MYO3A: variants seen among roughly 807,000 people sequenced by gnomAD.
The protein encoded by MYO3A is myosin-IIIa.
Under a neutral mutation model 192.7 loss-of-function variants are expected in MYO3A, and 180 were observed. The ratio of observed to expected loss-of-function variants is 0.93; its 90% CI spans 0.83 to 1.06. The LOEUF (loss-of-function observed/expected upper bound fraction) is 1.06, where lower values mean the gene tolerates loss of function less well. Ranked by LOEUF, MYO3A falls within the 50% of genes least tolerant of loss-of-function variation. The probability of loss-of-function intolerance (pLI) is 0.00; values close to 1 mark genes in which losing one functional copy is unlikely to be tolerated. For synonymous variants in MYO3A, 628 were observed against 645.3 expected, an observed-to-expected ratio of 0.97 and a Z score of 0.41; for missense variants, 1,896 against 1,905.0, an observed-to-expected ratio of 1.00 and a Z score of 0.09.
chr10:26,043,912 T>G (rs72793968), intron 10 of MYO3A, among the ~76,000 whole-genome samples: 24,724 of 152,164 alleles, frequency 0.16, 2,302 homozygotes, highest in Non-Finnish European at 0.21. Context: ...TCACAGCTGG[T>G]AATGTGCTGA....
chr10:26,172,676 G>A lies in MYO3A; in HGVS notation c.3399-987G>A, dbSNP rs1359175517. Among the ~76,000 whole-genome samples, 5 of 152,310 alleles carry A rather than the reference G, an allele frequency of 3.3e-5. 1 individual carries two copies. The highest frequency in any genetic ancestry group is 4.1e-4 in the South Asian group (2 of 4,826). ...GAGGAATTCAAAATACTAGTGTAGC[G>A]ATTCATCAAAATCATGGGCATCTGA... On this transcript the variant is annotated intron_variant, in intron 29 of 34. Coordinates refer to ENST00000642920, the MANE Select transcript of MYO3A (RefSeq NM_017433.5).
intron 20 of MYO3A, among the ~76,000 whole-genome samples, chr10:26,142,958 T>C (rs1045509198): frequency 2.0e-5 from 3 of 152,202 alleles, no homozygotes; most frequent in Non-Finnish European, 2.9e-5. Context: ...CTTTTATTAC[T>C]ACCCTGAGTA....
At chr10:26,000,210 C>T (rs1208554989) in intron 6 of MYO3A, among the ~76,000 whole-genome samples, 1 of 152,180 alleles carries the variant, frequency 6.6e-6, no homozygotes, top group Non-Finnish European at 1.5e-5. Context: ...TAATCAGGTA[C>T]CCTCTCTTCC....
chr10:26,166,003 C>T, intron 26 of MYO3A, 64 bp from the exon 27 acceptor site: 1 of 1,339,234 alleles, frequency 7.5e-7, no homozygotes, highest in Non-Finnish European at 1.1e-6. Flanking sequence ...TGTTGGGGAA[C>T]CACCAAGCTA....
chr10:26,009,404 A>AAG (rs1554802449), intron 6 of MYO3A, among the ~76,000 whole-genome samples: 3,854 of 152,230 alleles, frequency 0.025, 185 homozygotes, highest in African/African-American at 0.087. Context: ...TAAATTTTTT[A>AAG]AAAAAGGCCA....
chr10:25,993,138 T>A (rs1204213523), intron 4 of MYO3A, among the ~76,000 whole-genome samples: 1 of 149,022 alleles, frequency 6.7e-6, no homozygotes, highest in Non-Finnish European at 1.5e-5. Flanking sequence ...CATTTGGTCC[T>A]GGATTTTTTT....
intron 34 of MYO3A, among the ~76,000 whole-genome samples, chr10:26,208,449 A>G (rs780346616): frequency 6.6e-6 from 1 of 152,228 alleles, no homozygotes; most frequent in Non-Finnish European, 1.5e-5. Flanking sequence ...CTTACTAGCC[A>G]TGGCAACTAG....
At chr10:25,967,070 T>C (rs1450930960) in intron 4 of MYO3A, among the ~76,000 whole-genome samples, 1 of 151,964 alleles carries the variant, frequency 6.6e-6, no homozygotes, top group Non-Finnish European at 1.5e-5. Context: ...ACTGAAGAAA[T>C]TGGAAAGGCA....
At chr10:26,173,055 GAA>G (rs35552865) in intron 29 of MYO3A, among the ~76,000 whole-genome samples, 8 of 140,122 alleles carry the variant, frequency 5.7e-5, no homozygotes, top group African/African-American at 1.3e-4. Flanking sequence ...CCTTTGGCTA[GAA>G]AAAAAAAAAA....
At chr10:25,944,042 A>T (rs962429787) in intron 2 of MYO3A, among the ~76,000 whole-genome samples, 2 of 151,924 alleles carry the variant, frequency 1.3e-5, no homozygotes, top group Non-Finnish European at 2.9e-5. Flanking sequence ...CAGGCTTTTT[A>T]TAAATGGTTA....
At chr10:26,036,202 G>A (rs567457785) in intron 10 of MYO3A, among the ~76,000 whole-genome samples, 1 of 152,178 alleles carries the variant, frequency 6.6e-6, no homozygotes, top group East Asian at 1.9e-4. Flanking sequence ...ACCTCCCAAA[G>A]TGCTAGGATT....
intron 6 of MYO3A, among the ~76,000 whole-genome samples, chr10:26,007,936 G>C (rs534056669): frequency 6.6e-6 from 1 of 152,046 alleles, no homozygotes; most frequent in South Asian, 2.1e-4. Flanking sequence ...TCAATCCTAA[G>C]CCAAAAGAAC....
intron 4 of MYO3A, among the ~76,000 whole-genome samples, chr10:25,971,102 AT>A (rs143957427): frequency 0.064 from 9,716 of 151,892 alleles, 406 homozygotes; most frequent in Non-Finnish European, 0.094. Context: ...AGAACCGTGC[AT>A]TTTTTTTATA....
chr10:26,058,035 G>A (rs1461723464), intron 10 of MYO3A, among the ~76,000 whole-genome samples: 9 of 152,146 alleles, frequency 5.9e-5, no homozygotes, highest in African/African-American at 2.2e-4. Context: ...TATTGGTGTT[G>A]TACATTCAAT....
intron 10 of MYO3A, among the ~76,000 whole-genome samples, chr10:26,053,417 T>TAAAAC (rs112862004): frequency 0.16 from 24,700 of 152,184 alleles, 2,289 homozygotes; most frequent in Non-Finnish European, 0.21. Context: ...CAGTCAGTGA[T>TAAAAC]AAAACAAAAC....
chr10:26,008,319 A>AT lies in MYO3A; in HGVS notation c.509-8500dup, dbSNP rs1841376335. Among the ~76,000 whole-genome samples the AT allele has an allele frequency of 2.0e-5, 3 of 148,508 alleles. No individual in the cohort carries two copies. In the South Asian group the frequency reaches 6.3e-4, roughly 31 times the overall value. On this transcript the variant is annotated intron_variant, in intron 6 of 34. Coordinates refer to ENST00000642920, the MANE Select transcript of MYO3A (RefSeq NM_017433.5). ...AGGCATTACCATTCAGGACATAGGC[A>AT]TGGGCAAGGACTTCATATCTAAAAC...
chr10:26,153,540 C>CA lies in MYO3A; in HGVS notation c.2636-303dup, dbSNP rs568940827. 4.5e-3 allele frequency among the ~76,000 whole-genome samples: 684 copies of CA among 152,250 alleles called. 1 individual carries two copies. The highest frequency in any genetic ancestry group is 0.02 in the Middle Eastern group (6 of 294). ...AAAATCTCAGATGCCATTTATCACA[C>CA]AAAAAAATAAGAAGCAAACTGCTCC... On this transcript the variant is annotated intron_variant, in intron 23 of 34. Transcript: ENST00000642920.
At chr10:25,944,662 C>T (rs535394760) in intron 2 of MYO3A, among the ~76,000 whole-genome samples, 119 of 152,026 alleles carry the variant, frequency 7.8e-4, no homozygotes, top group Middle Eastern at 3.4e-3. Flanking sequence ...AATTTGTCCA[C>T]TTCATCTAGT....
At chr10:26,004,200 A>C (rs1841032486) in intron 6 of MYO3A, among the ~76,000 whole-genome samples, 1 of 152,092 alleles carries the variant, frequency 6.6e-6, no homozygotes, top group Non-Finnish European at 1.5e-5. Flanking sequence ...ATGTAGGGTG[A>C]TGGGGATGAT....
Sources: allele counts gnomAD v4.1 joint callset (sites outside exome capture counted in the v4.1 genomes callset), GRCh38; gene constraint gnomAD v4.1.1; transcripts MANE v1.5; gene names NCBI Gene and HGNC (gene_info 2026-07-23, HGNC 2026-07-21).